The following ETV6 variants were observed in gnomAD, a reference collection of about 807,000 sequenced individuals.
ETV6 encodes the protein ETS variant transcription factor 6.
In ETV6, 16 loss-of-function variants were observed where a neutral mutation model predicts 51.1. The observed-to-expected ratio is 0.31, with a 90% CI of 0.21 to 0.48. ETV6 has a LOEUF of 0.48. Among genes scored for constraint, ETV6 ranks in the 20% least tolerant of loss-of-function variants. The probability of loss-of-function intolerance (pLI) is 0.99; values close to 1 mark genes in which losing one functional copy is unlikely to be tolerated. For missense variants in ETV6, 458 were observed against 594.8 expected, an observed-to-expected ratio of 0.77 and a Z score of 2.39; for synonymous variants, 240 against 224.1, an observed-to-expected ratio of 1.07 and a Z score of -0.64.
chr12:11,655,400 C>G (rs1008127120), intron 1 of ETV6, among the ~76,000 whole-genome samples: 2 of 152,124 alleles, frequency 1.3e-5, no homozygotes, highest in Non-Finnish European at 2.9e-5. Context: ...AGGGACCCAG[C>G]TTAAAGACTG....
chr12:11,876,195 C>G (rs1322962837), intron 5 of ETV6, among the ~76,000 whole-genome samples: 1 of 152,080 alleles, frequency 6.6e-6, no homozygotes, highest in Non-Finnish European at 1.5e-5. Context: ...AGAATAGTTA[C>G]GATAATATCA....
chr12:11,750,746 C>T lies in ETV6; in HGVS notation c.34-1704C>T, dbSNP rs925894185. ...TTGAAATGCTCAGAAGCCCACCTCACCTTTAAAAACCTCTGAACAGATTTT... is the reference window on the plus strand; with the variant it reads ...TTGAAATGCTCAGAAGCCCACCTCATCTTTAAAAACCTCTGAACAGATTTT... On this transcript the variant is annotated intron_variant, in intron 1 of 7. Coordinates refer to ENST00000396373, the MANE Select transcript of ETV6 (RefSeq NM_001987.5). 4 of 446,260 alleles carry T rather than the reference C, an allele frequency of 9.0e-6. No homozygotes were observed. In the Admixed American group the frequency reaches 1.2e-4, roughly 13 times the overall value. 27.6% of individuals were successfully genotyped at this position (446,260 alleles called of 1,614,324 possible).
At chr12:11,780,139 C>T (rs1248707342) in intron 2 of ETV6, among the ~76,000 whole-genome samples, 1 of 152,148 alleles carries the variant, frequency 6.6e-6, no homozygotes, top group Non-Finnish European at 1.5e-5. Context: ...ATAAATGACC[C>T]AGTCTGAAAG....
intron 4 of ETV6, among the ~76,000 whole-genome samples, chr12:11,865,466 T>C (rs1946779028): frequency 6.6e-6 from 1 of 151,608 alleles, no homozygotes; most frequent in African/African-American, 2.4e-5. Context: ...AACGTATCTC[T>C]TAAGTTTTTT....
At chr12:11,764,444 G>A (rs1428054635) in intron 2 of ETV6, among the ~76,000 whole-genome samples, 1 of 152,198 alleles carries the variant, frequency 6.6e-6, no homozygotes, top group Non-Finnish European at 1.5e-5. Context: ...AGAAGGTCAG[G>A]TCTCCTCTAG....
chr12:11,830,772 AACACATGT>A (rs1306089225), intron 2 of ETV6, among the ~76,000 whole-genome samples: 1 of 152,196 alleles, frequency 6.6e-6, no homozygotes, highest in African/African-American at 2.4e-5. Context: ...GTTAACTCTT[AACACATGT>A]ACCTAACAAT....
chr12:11,818,909 G>GC (rs1946035626), intron 2 of ETV6, among the ~76,000 whole-genome samples: 1 of 151,994 alleles, frequency 6.6e-6, no homozygotes, highest in Admixed American at 6.6e-5. Flanking sequence ...CTGGCCCTCA[G>GC]CCTACCCTAC....
intron 1 of ETV6, among the ~76,000 whole-genome samples, chr12:11,708,967 G>T (rs1354299276): frequency 6.6e-6 from 1 of 152,208 alleles, no homozygotes; most frequent in African/African-American, 2.4e-5. Flanking sequence ...ATCAGCTCAT[G>T]AATGGAGAGA....
chr12:11,824,194 A>G (rs561732092), intron 2 of ETV6, among the ~76,000 whole-genome samples: 2 of 152,318 alleles, frequency 1.3e-5, no homozygotes, highest in South Asian at 4.1e-4. Flanking sequence ...GAGCAGCTCA[A>G]TAGCAAAACC....
chr12:11,718,603 TAAA>T (rs35535946), intron 1 of ETV6, among the ~76,000 whole-genome samples: 3 of 105,642 alleles, frequency 2.8e-5, no homozygotes, highest in Admixed American at 1.0e-4. Flanking sequence ...CCATCGCTAC[TAAA>T]AAAAAAAAAA....
In ETV6 at chr12:11,869,620, A is replaced by G; in HGVS notation, c.660A>G (p.Gly220=). 1 of 1,614,098 alleles carries G rather than the reference A, an allele frequency of 6.2e-7. No individual in the cohort carries two copies. The highest frequency in any genetic ancestry group is 8.5e-7 in the Non-Finnish European group (1 of 1,180,004). ...RRLSPAERAQ[G]PRPHQENNHQ... ...TCTCCCCGGCTGAGAGAGCTCAGGG[A>G]CCCAGGCCGCACCAGGAGAACAACC... The change falls in exon 5 of 8, where the codon GGA becomes GGG. Residue 220 remains glycine (G), a synonymous_variant. Coordinates refer to ENST00000396373, the MANE Select transcript of ETV6 (RefSeq NM_001987.5). This position sits in a 1 kb window ranked among gnomAD's most constrained non-coding sequence, Gnocchi z 5.0.
intron 2 of ETV6, among the ~76,000 whole-genome samples, chr12:11,817,818 A>G (rs1378986236): frequency 6.6e-6 from 1 of 152,198 alleles, no homozygotes; most frequent in Non-Finnish European, 1.5e-5. Flanking sequence ...AAAAAGACAT[A>G]TGCACTCATA....
chr12:11,812,531 T>TG (rs964765350), intron 2 of ETV6, among the ~76,000 whole-genome samples: 9 of 152,158 alleles, frequency 5.9e-5, no homozygotes, highest in African/African-American at 2.2e-4. Flanking sequence ...GGGAGAGCCC[T>TG]GGGGGTGGTT....
At chr12:11,670,295 T>G (rs1864289327) in intron 1 of ETV6, among the ~76,000 whole-genome samples, 1 of 152,228 alleles carries the variant, frequency 6.6e-6, no homozygotes, top group Non-Finnish European at 1.5e-5. Context: ...CTTCATGTGA[T>G]TCTTGTAGAG....
intron 1 of ETV6, among the ~76,000 whole-genome samples, chr12:11,668,892 T>C (rs1269832991): frequency 6.6e-6 from 1 of 152,206 alleles, no homozygotes; most frequent in African/African-American, 2.4e-5. Context: ...GGCACATCCC[T>C]GTGCTCAAAG....
At chr12:11,854,892 T>C (rs1266432094) in intron 4 of ETV6, among the ~76,000 whole-genome samples, 1 of 152,212 alleles carries the variant, frequency 6.6e-6, no homozygotes, top group African/African-American at 2.4e-5. Flanking sequence ...TTATTTCAAG[T>C]GTCCCAGTTG....
intron 1 of ETV6, among the ~76,000 whole-genome samples, chr12:11,670,288 C>T (rs1316185582): frequency 3.3e-5 from 5 of 152,166 alleles, no homozygotes; most frequent in Admixed American, 3.3e-4. Context: ...AGAAGTACTT[C>T]ATGTGATTCT....
intron 1 of ETV6, among the ~76,000 whole-genome samples, chr12:11,726,784 G>A (rs747641012): frequency 1.3e-5 from 2 of 152,100 alleles, no homozygotes; most frequent in African/African-American, 4.8e-5. Context: ...GAAAAGTACA[G>A]ATTATTTCAG....
chr12:11,889,093 C>T (rs577229582), intron 7 of ETV6, among the ~76,000 whole-genome samples: 21 of 151,304 alleles, frequency 1.4e-4, no homozygotes, highest in Admixed American at 6.6e-4. Context: ...ATGGGAAAGT[C>T]GTCAAAAGAA....
Sources: gnomAD v4.1 joint callset for allele counts (sites outside exome capture counted in the v4.1 genomes callset) on GRCh38, gnomAD v4.1.1 for gene constraint, Gnocchi (gnomAD v3.1) non-coding constraint, MANE v1.5 for transcripts, NCBI Gene and HGNC (gene_info 2026-07-23, HGNC 2026-07-21) for gene names.